Variants in TMEM181 observed in about 807,000 individuals in gnomAD.
TMEM181 encodes G protein-coupled receptor 178.
Under a neutral mutation model 71.9 loss-of-function variants are expected in TMEM181, and 39 were observed. The ratio of observed to expected loss-of-function variants is 0.54; its 90% CI spans 0.42 to 0.71. The LOEUF is 0.71. Among genes scored for constraint, TMEM181 ranks in the 30% least tolerant of loss-of-function variants. The pLI is 0.00. For missense variants in TMEM181, 595 were observed against 583.0 expected, an observed-to-expected ratio of 1.02 and a Z score of -0.21; for synonymous variants, 245 against 228.8, an observed-to-expected ratio of 1.07 and a Z score of -0.64.
intron 15 of TMEM181, 30 bp from the exon 16 acceptor site, chr6:158,631,293 T>C (rs376966446): frequency 1.2e-6 from 2 of 1,605,804 alleles, no homozygotes; most frequent in African/African-American, 1.3e-5. Flanking sequence ...GTCAATTGCT[T>C]GAGATGCAAA....
At chr6:158,624,309 T>C (rs1274732712) in intron 11 of TMEM181, among the ~76,000 whole-genome samples, 1 of 152,194 alleles carries the variant, frequency 6.6e-6, no homozygotes, top group Non-Finnish European at 1.5e-5. Context: ...TTACGTAAGG[T>C]CCCAGCTAAA....
chr6:158,599,024 G>A (rs1169385605), intron 6 of TMEM181, among the ~76,000 whole-genome samples: 1 of 152,172 alleles, frequency 6.6e-6, no homozygotes, highest in Admixed American at 6.6e-5. Context: ...CTCCAGTCCA[G>A]GCCCTTTGCT....
Position 158,589,513 on chromosome 6 carries a change from T to G in TMEM181, c.382-159T>G, listed in dbSNP as rs1783980170. The stretch of plus-strand genomic sequence containing the variant: ...CATTTGGTTCATTCTTTCTAGGAAC[T>G]GTGTTTGGCTGGCATCTGACTTTCT... On this transcript the variant is annotated intron_variant, in intron 5 of 16. Transcript: ENST00000684151. The G allele has an allele frequency of 4.8e-5, 29 of 604,080 alleles. No homozygotes were observed. The South Asian group carries it at 5.7e-4, about 12-fold the overall frequency. 37.4% of individuals were successfully genotyped at this position (604,080 alleles called of 1,614,324 possible).
At chr6:158,593,064 T>A (rs769736913) in intron 6 of TMEM181, among the ~76,000 whole-genome samples, 20 of 152,372 alleles carry the variant, frequency 1.3e-4, no homozygotes, top group Admixed American at 6.5e-4. Context: ...TAAAAGCCTC[T>A]ACTTCCATGT....
intron 10 of TMEM181, among the ~76,000 whole-genome samples, chr6:158,617,251 A>T (rs1167301675): frequency 6.6e-6 from 1 of 151,510 alleles, no homozygotes; most frequent in Non-Finnish European, 1.5e-5. Context: ...TTTCTTCCAG[A>T]TTTTCTAGTT....
chr6:158,592,144 A>G (rs1360588949), intron 6 of TMEM181, among the ~76,000 whole-genome samples: 3 of 152,110 alleles, frequency 2.0e-5, no homozygotes, highest in African/African-American at 7.2e-5. Context: ...CGTTTTTTGT[A>G]CATTTCGTTT....
At position 158,605,281 on chromosome 6, in the gene TMEM181, C is replaced by T; in HGVS notation, c.507C>T (p.Asn169=). ...KGMNFTWKTY[N]PAFSRLEIWF... is the part of the protein sequence containing the mutation. ...TTCTATTTTAGTGGAAGACTTATAA[C>T]CCTGCCTTCTCCCGGTTGGAAATCT... The change falls in exon 7 of 17, where the codon AAC becomes AAT. Residue 169 remains asparagine (N), a synonymous_variant. Coordinates refer to ENST00000684151, the MANE Select transcript of TMEM181 (RefSeq NM_001376852.1). 13 of 1,613,794 alleles carry T rather than the reference C, an allele frequency of 8.1e-6. No homozygotes were observed. Among genetic ancestry groups the T allele is most frequent in the Non-Finnish European group, 1.1e-5 (13 of 1,179,902 alleles).
intron 15 of TMEM181, 124 bp from the exon 16 acceptor site, chr6:158,631,199 A>G (rs948483804): frequency 1.3e-5 from 12 of 957,266 alleles, no homozygotes; most frequent in African/African-American, 8.0e-5. Context: ...TTATACAGAC[A>G]TGGCAGCTCT....
intron 1 of TMEM181, among the ~76,000 whole-genome samples, chr6:158,565,256 G>A (rs1216262040): frequency 6.6e-6 from 1 of 152,226 alleles, no homozygotes; most frequent in East Asian, 1.9e-4. Flanking sequence ...CTCCCCTGCC[G>A]TGCCCTCCTG....
chr6:158,574,309 C>T (rs545822434), intron 2 of TMEM181, among the ~76,000 whole-genome samples: 8 of 152,152 alleles, frequency 5.3e-5, no homozygotes, highest in Non-Finnish European at 8.8e-5. Context: ...GACGAGGAAG[C>T]TGGGGGAGAG....
At chr6:158,619,474 G>A (rs1465514462) in intron 10 of TMEM181, among the ~76,000 whole-genome samples, 1 of 152,150 alleles carries the variant, frequency 6.6e-6, no homozygotes, top group Non-Finnish European at 1.5e-5. Context: ...GGTTATTACC[G>A]ATCTTCTGAA....
intron 1 of TMEM181, among the ~76,000 whole-genome samples, chr6:158,548,267 C>T (rs779460641): frequency 6.6e-6 from 1 of 152,174 alleles, no homozygotes; most frequent in Non-Finnish European, 1.5e-5. Flanking sequence ...CTGACTCCAT[C>T]CTCTCTCCTT....
chr6:158,547,838 T>C (rs1344450326), intron 1 of TMEM181, among the ~76,000 whole-genome samples: 1 of 130,646 alleles, frequency 7.7e-6, no homozygotes, highest in Non-Finnish European at 1.5e-5. Flanking sequence ...GGTGAGTCGA[T>C]ATCACGCCAT....
chr6:158,616,926 G>A (rs955807557), intron 10 of TMEM181, among the ~76,000 whole-genome samples: 1 of 152,148 alleles, frequency 6.6e-6, no homozygotes, highest in Non-Finnish European at 1.5e-5. Context: ...TGTTCATCAG[G>A]GATATTGGTC....
chr6:158,560,026 G>A (rs1782062434), upstream of TMEM181: 2 of 984,370 alleles, frequency 2.0e-6, no homozygotes, highest in South Asian at 4.7e-5. Flanking sequence ...CGCTTCCACC[G>A]CGCCGCGCCC....
chr6:158,608,603 G>A, intron 9 of TMEM181, 56 bp from the exon 10 acceptor site: 2 of 1,596,814 alleles, frequency 1.3e-6, no homozygotes, highest in Non-Finnish European at 1.7e-6. Flanking sequence ...ATCACGTTAT[G>A]TACAATTACC....
upstream of TMEM181, among the ~76,000 whole-genome samples, chr6:158,556,270 A>G (rs1474539584): frequency 6.6e-6 from 1 of 152,262 alleles, no homozygotes; most frequent in Non-Finnish European, 1.5e-5. Flanking sequence ...AAGCTGTGCC[A>G]GCAGAGTTCA....
Position 158,601,682 on chromosome 6 carries a change from C to G in TMEM181, c.493-3585C>G, listed in dbSNP as rs536770117. On this transcript the variant is annotated intron_variant, in intron 6 of 16. Coordinates refer to ENST00000684151, the MANE Select transcript of TMEM181 (RefSeq NM_001376852.1). ...GCTGAGGCAGGAGAATCGCTTGAAC[C>G]TGGGAGACGGAGGTTGCAGTGAGCC... is the stretch of plus-strand genomic sequence containing the variant. Among the ~76,000 whole-genome samples the G allele has an allele frequency of 3.3e-5, 5 of 151,498 alleles. No individual in the cohort carries two copies. In the South Asian group the frequency reaches 8.3e-4, roughly 25 times the overall value.
At chr6:158,549,458 T>C (rs1417937719) in intron 1 of TMEM181, among the ~76,000 whole-genome samples, 1 of 152,220 alleles carries the variant, frequency 6.6e-6, no homozygotes, top group Middle Eastern at 3.2e-3. Flanking sequence ...TGATTCAGAA[T>C]GTTCTGTGCA....
Sources: gnomAD v4.1 joint callset for allele counts (sites outside exome capture counted in the v4.1 genomes callset) on GRCh38, gnomAD v4.1.1 for gene constraint, MANE v1.5 for transcripts, NCBI Gene and HGNC (gene_info 2026-07-23, HGNC 2026-07-21) for gene names.